TTLL12: variants seen among roughly 807,000 people sequenced by gnomAD.
The protein encoded by TTLL12 is tubulin--tyrosine ligase-like protein 12.
A neutral mutation model predicts 79.6 loss-of-function variants in TTLL12; 77 were observed. The ratio of observed to expected loss-of-function variants is 0.97; its 90% confidence interval spans 0.81 to 1.17. The LOEUF is 1.17. TTLL12 is among the 50% of genes most tolerant of loss of function. TTLL12 has a pLI of 0.00. For missense variants in TTLL12, 969 were observed against 895.9 expected, an observed-to-expected ratio of 1.08 and a Z score of -1.04; for synonymous variants, 437 against 376.1, an observed-to-expected ratio of 1.16 and a Z score of -1.87.
chr22:43,177,321 A>T (rs1931940444), intron 5 of TTLL12, among the ~76,000 whole-genome samples: 1 of 152,134 alleles, frequency 6.6e-6, no homozygotes, highest in Non-Finnish European at 1.5e-5. Flanking sequence ...GTTAGCTAGG[A>T]TCATGCCACT....
intron 11 of TTLL12, chr22:43,170,197 C>T (rs924864302): frequency 8.7e-6 from 3 of 343,276 alleles, no homozygotes; most frequent in South Asian, 4.5e-5. Flanking sequence ...AGAGGACTCC[C>T]GGGATGACCC....
At chr22:43,184,015 A>G (rs1455187045) in intron 1 of TTLL12, among the ~76,000 whole-genome samples, 3 of 152,278 alleles carry the variant, frequency 2.0e-5, no homozygotes, top group African/African-American at 7.2e-5. Flanking sequence ...ATTCATACCC[A>G]GAACTCAGAG....
intron 5 of TTLL12, among the ~76,000 whole-genome samples, chr22:43,178,246 G>GC (rs1271081559): frequency 2.6e-5 from 4 of 151,678 alleles, no homozygotes; most frequent in South Asian, 2.1e-4. Flanking sequence ...GTGAAAGGAG[G>GC]CCCCCCCACC....
In TTLL12 at chr22:43,186,914, G is replaced by A; in HGVS notation, c.156C>T (p.Leu52=). Residue 52 remains leucine, a synonymous_variant, in exon 1 of 14, where the codon CTC becomes CTT. Coordinates refer to ENST00000216129, the MANE Select transcript of TTLL12 (RefSeq NM_015140.4). ...SGVPERYWGR[L]LHKLEHEVFD... The stretch of plus-strand genomic sequence containing the variant: ...GCACCTCGTGCTCCAGCTTGTGCAG[G>A]AGGCGGCCCCAGTAACGTTCGGGGA... The A allele has an allele frequency of 3.0e-6, 4 of 1,354,700 alleles. No homozygotes were observed. Among genetic ancestry groups the A allele is most frequent in the African/African-American group, 3.1e-5 (2 of 65,050 alleles). The allele number at this position is 1,354,700 out of a possible 1,614,324, so 83.9% of individuals were successfully genotyped here. A position where few individuals can be genotyped will look rare whatever the true frequency, so the allele number is the denominator to read the frequency against.
chr22:43,173,912 C>A, intron 8 of TTLL12, 86 bp from the exon 9 acceptor site: 1 of 1,249,840 alleles, frequency 8.0e-7, no homozygotes, highest in South Asian at 1.3e-5. Context: ...CAGAAGAGGG[C>A]AGCCCACTTC....
chr22:43,171,300 CCT>C (rs1451331690), intron 11 of TTLL12, among the ~76,000 whole-genome samples: 1 of 152,200 alleles, frequency 6.6e-6, no homozygotes, highest in African/African-American at 2.4e-5. Context: ...TCCAGATGCC[CCT>C]GAGCTCCAGG....
At chr22:43,173,944 C>A in intron 8 of TTLL12, 118 bp from the exon 9 acceptor site, 1 of 1,007,858 alleles carries the variant, frequency 9.9e-7, no homozygotes, top group African/African-American at 1.6e-5. Context: ...TGAGGGGGCA[C>A]CAGAGAGCTG....
At chr22:43,180,367 A>C (rs1932024570) in intron 3 of TTLL12, among the ~76,000 whole-genome samples, 1 of 152,190 alleles carries the variant, frequency 6.6e-6, no homozygotes, top group Non-Finnish European at 1.5e-5. Context: ...TAAAATCATG[A>C]GAAACAAGCA....
rs144824988 is a variant in TTLL12, at chr22:43,178,317, C to T, written c.840+1302G>A. Among the ~76,000 whole-genome samples the T allele has an allele frequency of 1.2e-3, 174 of 148,912 alleles. 4 individuals carry two copies. In the East Asian group the frequency reaches 0.027, roughly 23 times the overall value. ...AACACGCCACCACTCCACACACGCC[C>T]GCTCTATTTTTTTTTTTTTTTTGAG... On this transcript the variant is annotated intron_variant, in intron 5 of 13. Coordinates refer to ENST00000216129, the MANE Select transcript of TTLL12 (RefSeq NM_015140.4).
chr22:43,174,199 T>G lies in TTLL12; in HGVS notation c.1229+10A>C, dbSNP rs1420013112. On this transcript the variant is annotated intron_variant, in intron 8 of 13. Transcript: ENST00000216129. ...CCATGGAGCACACCGATGCCGTGTCTGGGACTTACCACCTTTCCCGCTGCT... is the reference window on the plus strand; with the variant it reads ...CCATGGAGCACACCGATGCCGTGTCGGGGACTTACCACCTTTCCCGCTGCT... 10 of 1,599,656 alleles carry G rather than the reference T, an allele frequency of 6.3e-6. No individual in the cohort carries two copies. The African/African-American group carries it at 1.3e-4, about 21-fold the overall frequency.
chr22:43,181,189 AG>A (rs1932048005), intron 2 of TTLL12, among the ~76,000 whole-genome samples: 1 of 152,350 alleles, frequency 6.6e-6, no homozygotes, highest in African/African-American at 2.4e-5. Flanking sequence ...ACAGGGCAGC[AG>A]GGGTCTCTAC....
At chr22:43,168,684 T>C in intron 13 of TTLL12, 90 bp downstream of exon 13, 1 of 1,511,322 alleles carries the variant, frequency 6.6e-7, no homozygotes, top group Non-Finnish European at 8.9e-7. Flanking sequence ...GAGGACAGCC[T>C]GGGGCAGCTG....
At chr22:43,171,539 T>C (rs2071728) in intron 11 of TTLL12, 2 of 329,166 alleles carry the variant, frequency 6.1e-6, no homozygotes, top group East Asian at 5.2e-5. Context: ...GGGAACACAC[T>C]GTCTCAACCT....
Position 43,180,819 on chromosome 22 carries a change from G to C in TTLL12, c.469C>G (p.Leu157Val). The change falls in exon 3 of 14, where the codon CTG becomes GTG. Residue 157 changes from leucine (L) to valine (V), a missense_variant. Coordinates refer to ENST00000216129, the MANE Select transcript of TTLL12 (RefSeq NM_015140.4). ...NLMGIEFHGE[L>V]PSTEAVALVL... is the part of the protein sequence containing the mutation. ...AGGGCCACAGCCTCTGTACTGGGCA[G>C]CTCACCGTGGAACTCAATGCCCATC... is the stretch of plus-strand genomic sequence containing the variant. 1 of 1,613,204 alleles carries C rather than the reference G, an allele frequency of 6.2e-7. No individual in the cohort carries two copies. The highest frequency in any genetic ancestry group is 8.5e-7 in the Non-Finnish European group (1 of 1,179,984).
At chr22:43,184,348 C>T (rs1471049834) in intron 1 of TTLL12, among the ~76,000 whole-genome samples, 2 of 152,238 alleles carry the variant, frequency 1.3e-5, no homozygotes, top group Admixed American at 1.3e-4. Context: ...GCTCAGGAAG[C>T]TCAGGCTGAG....
Position 43,179,655 on chromosome 22 carries a change from G to A in TTLL12, c.804C>T (p.Ser268=). 3.8e-6 allele frequency: 6 copies of A among 1,586,078 alleles called. No individual in the cohort carries two copies. In the South Asian group the frequency reaches 6.8e-5, roughly 18 times the overall value. The change falls in exon 5 of 14, where the codon AGC becomes AGT. Residue 268 remains serine (S), a synonymous_variant. Coordinates refer to ENST00000216129, the MANE Select transcript of TTLL12 (RefSeq NM_015140.4). ...PWAPTDMLDL[S]SCTPEPPAEH... is the part of the protein sequence containing the mutation. ...CGGCGGGCGGCTCGGGTGTGCAAGA[G>A]CTGAGGTCCAGCATGTCGGTGGGGG...
At chr22:43,175,071 A>G (rs919192151) in intron 6 of TTLL12, among the ~76,000 whole-genome samples, 1 of 152,190 alleles carries the variant, frequency 6.6e-6, no homozygotes, top group African/African-American at 2.4e-5. Flanking sequence ...ACGTCTCAGC[A>G]AGAGCCCCTG....
Position 43,173,770 on chromosome 22 carries a change from G to C in TTLL12, c.1286C>G (p.Thr429Ser). ...GCTGTGCAGGCTCTTGGTGACGTGG[G>C]TGTCCAGGCTGCGCGCCAGGTTCCA... Reference protein sequence around the residue: ...KPWNLARSLDTHVTKSLHSII... With the variant: ...KPWNLARSLDSHVTKSLHSII... The change falls in exon 9 of 14, where the codon ACC becomes AGC. Residue 429 changes from threonine to serine, a missense_variant. Physicochemically the swap from Thr to Ser is moderately conservative, Grantham distance 58 (BLOSUM62 1). Coordinates refer to ENST00000216129, the MANE Select transcript of TTLL12 (RefSeq NM_015140.4). 1 of 1,605,058 alleles carries C rather than the reference G, an allele frequency of 6.2e-7. No individual in the cohort carries two copies. The highest frequency in any genetic ancestry group is 8.5e-7 in the Non-Finnish European group (1 of 1,179,944).
At position 43,186,971 on chromosome 22, in the gene TTLL12, C is replaced by A; in HGVS notation, c.99G>T (p.Ala33=). Reference sequence around the variant, plus strand: ...AAGCGCGCAGCGCCGGGCCGTGCAGCGCCGCGAACTCGGCCAAGGCCTGCG... The same window carrying A: ...AAGCGCGCAGCGCCGGGCCGTGCAGAGCCGCGAACTCGGCCAAGGCCTGCG... The part of the protein sequence containing the change: ...EGAQALAEFA[A]LHGPALRASG... Residue 33 remains alanine, a synonymous_variant, in exon 1 of 14, where the codon GCG becomes GCT. Transcript: ENST00000216129. The A allele has an allele frequency of 7.6e-7, 1 of 1,318,858 alleles. No homozygotes were observed. Among genetic ancestry groups the A allele is most frequent in the Non-Finnish European group, 9.7e-7 (1 of 1,030,394 alleles). The allele number at this position is 1,318,858 out of a possible 1,614,324, so 81.7% of individuals were successfully genotyped here. A position where few individuals can be genotyped will look rare whatever the true frequency, so the allele number is the denominator to read the frequency against.
Sources: gnomAD v4.1 joint callset for allele counts (sites outside exome capture counted in the v4.1 genomes callset) on GRCh38, gnomAD v4.1.1 for gene constraint, MANE v1.5 for transcripts, NCBI Gene and HGNC (gene_info 2026-07-23, HGNC 2026-07-21) for gene names.